COG6: variants seen among roughly 807,000 people sequenced by gnomAD.
The protein encoded by COG6 is conserved oligomeric Golgi complex subunit 6.
Under a neutral mutation model 88.8 loss-of-function variants are expected in COG6, and 74 were observed. That is an observed-to-expected ratio of 0.83 (90% CI 0.69 to 1.01). COG6 has a LOEUF of 1.01. Ranked by LOEUF, COG6 falls within the 50% of genes least tolerant of loss-of-function variation. The pLI, the probability that COG6 is intolerant of heterozygous loss-of-function variation, is 0.00. For missense variants in COG6, 800 were observed against 797.9 expected (o/e 1.00, Z -0.03); for synonymous variants, 286 against 278.7 (o/e 1.03, Z -0.26).
chr13:39,710,709 C>A (rs1365728981), intron 13 of COG6, among the ~76,000 whole-genome samples: 2 of 152,040 alleles, frequency 1.3e-5, no homozygotes, highest in African/African-American at 4.8e-5. Context: ...TGCTTAAATA[C>A]CCCCATTTAA....
chr13:39,711,936 T>TC (rs1222588360), intron 13 of COG6, among the ~76,000 whole-genome samples: 1 of 152,210 alleles, frequency 6.6e-6, no homozygotes, highest in Non-Finnish European at 1.5e-5. Context: ...CTCACCTCAC[T>TC]ACAACCTCCA....
At chr13:39,697,630 T>C (rs963595587) in intron 12 of COG6, among the ~76,000 whole-genome samples, 4 of 151,862 alleles carry the variant, frequency 2.6e-5, no homozygotes, top group African/African-American at 9.7e-5. Context: ...CACCATGTAG[T>C]CCAACAAGTA....
chr13:39,743,378 G>C (rs1227049919), intron 18 of COG6, among the ~76,000 whole-genome samples: 2 of 152,068 alleles, frequency 1.3e-5, no homozygotes, highest in Non-Finnish European at 2.9e-5. Context: ...AAGAAGAAAA[G>C]AGAGAAGAAT....
chr13:39,756,026 T>A (rs1047932579), downstream of COG6, among the ~76,000 whole-genome samples: 1 of 152,172 alleles, frequency 6.6e-6, no homozygotes, highest in Non-Finnish European at 1.5e-5. Flanking sequence ...ATTGAACTTA[T>A]TAGACAAAGA....
chr13:39,716,890 AC>A (rs1878557976), intron 13 of COG6, among the ~76,000 whole-genome samples: 1 of 152,194 alleles, frequency 6.6e-6, no homozygotes, highest in Admixed American at 6.5e-5. Context: ...AGAGTTATGA[AC>A]AAAAAATACA....
At chr13:39,723,508 C>A in intron 16 of COG6, 68 bp downstream of exon 16, 1 of 906,940 alleles carries the variant, frequency 1.1e-6, no homozygotes, top group Non-Finnish European at 1.8e-6. Flanking sequence ...TCTAGAGCTG[C>A]ACTCTGGATT....
At chr13:39,782,915 C>A (rs1429797424) in intron 18 of COG6, among the ~76,000 whole-genome samples, 1 of 152,156 alleles carries the variant, frequency 6.6e-6, no homozygotes, top group Non-Finnish European at 1.5e-5. Context: ...CTTGAGGGAG[C>A]TTCTAGGGTG....
Position 39,749,947 on chromosome 13 carries a change from T to C in COG6, c.1827-999T>C, listed in dbSNP as rs149995095. On this transcript the variant is annotated intron_variant, in intron 18 of 18. Coordinates refer to ENST00000455146, the MANE Select transcript of COG6 (RefSeq NM_020751.3). Reference sequence around the variant, plus strand: ...ATCTAACAACAGTGCCTAGGATGGATTGAATATTGAAGAGACTGAAAGAGG... The same window carrying C: ...ATCTAACAACAGTGCCTAGGATGGACTGAATATTGAAGAGACTGAAAGAGG... Among the ~76,000 whole-genome samples the C allele has an allele frequency of 4.7e-3, 708 of 152,084 alleles. 5 individuals carry two copies. The highest frequency in any genetic ancestry group is 6.7e-3 in the Non-Finnish European group (454 of 67,976).
In COG6 at chr13:39,683,671, A is replaced by C. The variant is rs182559114; in HGVS notation, c.788+1407A>C. Among the ~76,000 whole-genome samples the C allele has an allele frequency of 2.0e-5, 3 of 152,006 alleles. No homozygotes were observed. In the East Asian group the frequency reaches 5.8e-4, roughly 29 times the overall value. ...TTATGAGTCTTTTAGCACTTAAAAC[A>C]TTTGGCGTTTGATTTTAACAGCTGT... On this transcript the variant is annotated intron_variant, in intron 8 of 18. Coordinates refer to ENST00000455146, the MANE Select transcript of COG6 (RefSeq NM_020751.3).
At chr13:39,689,921 T>C in intron 11 of COG6, 97 bp downstream of exon 11, 1 of 753,890 alleles carries the variant, frequency 1.3e-6, no homozygotes, top group African/African-American at 1.8e-5. Flanking sequence ...TCAAATACAA[T>C]CTATAATTTT....
chr13:39,719,212 T>C (rs750679736), intron 13 of COG6, 24 bp from the exon 14 acceptor site: 2 of 1,609,880 alleles, frequency 1.2e-6, no homozygotes, highest in Non-Finnish European at 1.7e-6. Flanking sequence ...ATATAAGGAG[T>C]GGGTAAATCA....
In COG6 at chr13:39,698,139, A is replaced by G. The variant is rs533709676; in HGVS notation, c.1167-1362A>G. 2.0e-4 allele frequency among the ~76,000 whole-genome samples: 31 copies of G among 152,060 alleles called. 1 individual carries two copies. The highest frequency in any genetic ancestry group is 7.0e-4 in the African/African-American group (29 of 41,506). On this transcript the variant is annotated intron_variant, in intron 12 of 18. Transcript: ENST00000455146. Reference sequence around the variant, plus strand: ...TGTTCAATAAACGTTAGTAAATTCTAGATCTGAATAACTGCAAAGTACAGC... The same window carrying G: ...TGTTCAATAAACGTTAGTAAATTCTGGATCTGAATAACTGCAAAGTACAGC...
intron 18 of COG6, among the ~76,000 whole-genome samples, chr13:39,728,999 AC>A (rs1879292473): frequency 6.6e-6 from 1 of 152,118 alleles, no homozygotes; most frequent in Admixed American, 6.5e-5. Context: ...TTAACTGAAT[AC>A]CTGTAATTCT....
At chr13:39,738,294 G>C (rs1195926509) in intron 18 of COG6, among the ~76,000 whole-genome samples, 1 of 152,056 alleles carries the variant, frequency 6.6e-6, no homozygotes, top group East Asian at 1.9e-4. Context: ...AAGATGCAGT[G>C]GGAGGGAAGT....
intron 18 of COG6, among the ~76,000 whole-genome samples, chr13:39,769,602 ATTATT>A (rs1593482739): frequency 6.6e-6 from 1 of 152,358 alleles, no homozygotes; most frequent in Non-Finnish European, 1.5e-5. Context: ...ATTAGAAATT[ATTATT>A]TTATGTTAAA....
chr13:39,687,930 TTTCTC>T, intron 10 of COG6, 131 bp downstream of exon 10: 1 of 713,288 alleles, frequency 1.4e-6, no homozygotes, highest in Admixed American at 2.0e-5. Context: ...CTGATTACTC[TTTCTC>T]TTCTCTAGAT....
At chr13:39,663,710 C>T (rs570196443) in intron 3 of COG6, among the ~76,000 whole-genome samples, 12 of 151,994 alleles carry the variant, frequency 7.9e-5, no homozygotes, top group African/African-American at 2.9e-4. Context: ...CATAGCAAGA[C>T]CCCATCTCTA....
At chr13:39,704,437 G>A (rs1877769552) in intron 13 of COG6, among the ~76,000 whole-genome samples, 2 of 152,110 alleles carry the variant, frequency 1.3e-5, no homozygotes, top group Admixed American at 6.6e-5. Context: ...AAAGGAAAAT[G>A]TTATTAAGAA....
intron 2 of COG6, among the ~76,000 whole-genome samples, chr13:39,660,406 C>A (rs1470427307): frequency 6.6e-6 from 1 of 152,142 alleles, no homozygotes; most frequent in Admixed American, 6.5e-5. Context: ...TTACCAGTAT[C>A]AGAAAGCAAA....
Sources: allele counts gnomAD v4.1 joint callset (sites outside exome capture counted in the v4.1 genomes callset), GRCh38; gene constraint gnomAD v4.1.1; transcripts MANE v1.5; gene names NCBI Gene and HGNC (gene_info 2026-07-23, HGNC 2026-07-21).